Variants in USP36 observed in about 807,000 individuals in gnomAD.
USP36 encodes the protein ubiquitin specific peptidase 36.
In USP36, 59 loss-of-function variants were observed where a neutral mutation model predicts 111.5. That is an observed-to-expected ratio of 0.53 (90% CI 0.43 to 0.66). The LOEUF is 0.66. Ranked by LOEUF, USP36 falls within the 30% of genes least tolerant of loss-of-function variation. The pLI is 0.00. For missense variants in USP36, 1,488 were observed against 1,468.0 expected (o/e 1.01, Z -0.22); for synonymous variants, 628 against 581.0 (o/e 1.08, Z -1.16).
At chr17:78,805,409 G>A (rs2093870807) in intron 15 of USP36, among the ~76,000 whole-genome samples, 1 of 152,190 alleles carries the variant, frequency 6.6e-6, no homozygotes, top group Non-Finnish European at 1.5e-5. Context: ...GGCAGAGGCT[G>A]TGGGCGACGC....
chr17:78,807,151 C>G lies in USP36; in HGVS notation c.1893G>C (p.Arg631Ser), dbSNP rs758623047. ...AATCGCAGAGATGGGCCGCTCCACT[C>G]CTGGGGGTCTGGGGGGCCTTGGTGG... ...SDSTKAPQTP[R>S]SGAAHLCDSQ... is the part of the protein sequence containing the mutation. Residue 631 changes from arginine (R) to serine (S), a missense_variant, in exon 14 of 21, where the codon AGG becomes AGC. Arg to Ser is a moderately radical substitution (Grantham distance 110). Transcript: ENST00000449938. 5.0e-6 allele frequency: 8 copies of G among 1,614,134 alleles called. No individual in the cohort carries two copies. The highest frequency in any genetic ancestry group is 5.9e-6 in the Non-Finnish European group (7 of 1,180,052).
At chr17:78,811,177 C>T (rs1254476536) in intron 13 of USP36, among the ~76,000 whole-genome samples, 2 of 146,730 alleles carry the variant, frequency 1.4e-5, no homozygotes, top group African/African-American at 5.0e-5. Context: ...CAAGAGGGTC[C>T]ACCCCACTTC....
Position 78,835,968 on chromosome 17 carries a change from T to C in USP36, c.253+143A>G. ...AACCCTGTATCATTACTTCTATAAC[T>C]GAAATCCACTGACCCCATGTAAAAA... On this transcript the variant is annotated intron_variant, in intron 3 of 20. Coordinates refer to ENST00000449938, the MANE Select transcript of USP36 (RefSeq NM_001385174.1). 3.4e-6 allele frequency: 4 copies of C among 1,183,474 alleles called. No individual in the cohort carries two copies. The South Asian group carries it at 6.3e-5, about 19-fold the overall frequency. The allele number at this position is 1,183,474 out of a possible 1,614,324, so 73.3% of individuals were successfully genotyped here.
chr17:78,807,410 A>G lies in USP36; in HGVS notation c.1634T>C (p.Phe545Ser). Residue 545 changes from phenylalanine to serine, a missense_variant, in exon 14 of 21, where the codon TTT becomes TCT. Around this residue, in one of 3 missense-constraint regions of USP36, gnomAD observed 1,073 missense variants for 994.1 expected, o/e 1.08. Coordinates refer to ENST00000449938, the MANE Select transcript of USP36 (RefSeq NM_001385174.1). ...CAGCCCCTGAGCAGTTCTGGGGGAAAAGTGCTGTGGAGGAGCTGGCTTCTT... is the reference window on the plus strand; with the variant it reads ...CAGCCCCTGAGCAGTTCTGGGGGAAGAGTGCTGTGGAGGAGCTGGCTTCTT... ...KVKKPAPPQH[F>S]SPRTAQGLPG... 1 of 1,614,078 alleles carries G rather than the reference A, an allele frequency of 6.2e-7. No individual in the cohort carries two copies. Among genetic ancestry groups the G allele is most frequent in the Non-Finnish European group, 8.5e-7 (1 of 1,179,998 alleles).
intron 13 of USP36, 66 bp downstream of exon 13, chr17:78,812,794 A>C: frequency 6.3e-7 from 1 of 1,582,548 alleles, no homozygotes; most frequent in Non-Finnish European, 8.6e-7. Flanking sequence ...CAACTTCCCA[A>C]GTGTGAGGAG....
chr17:78,818,886 A>ATC (rs2094251541), intron 9 of USP36, 108 bp from the exon 10 acceptor site: 1 of 1,108,980 alleles, frequency 9.0e-7, no homozygotes, highest in African/African-American at 1.5e-5. Context: ...TAATAGTGGA[A>ATC]TCTTCATCAA....
chr17:78,798,854 C>T lies in USP36; in HGVS notation c.3240+54G>A. On this transcript the variant is annotated intron_variant, in intron 19 of 20. Transcript: ENST00000449938. The surrounding 1 kb of genome is among the most constrained non-coding windows in gnomAD (Gnocchi z 5.1). ...CACCTCCAACTGCCCCGGCTCTGAG[C>T]TGAGCCACGCCGCCCTGCTCCCTCA... 1 of 1,600,918 alleles carries T rather than the reference C, an allele frequency of 6.2e-7. No individual in the cohort carries two copies. Among genetic ancestry groups the T allele is most frequent in the South Asian group, 1.1e-5 (1 of 90,624 alleles).
downstream of USP36, among the ~76,000 whole-genome samples, chr17:78,791,522 AAAGCAACTTG>A (rs1465411344): frequency 2.8e-4 from 43 of 152,234 alleles, no homozygotes; most frequent in Non-Finnish European, 5.1e-4. Flanking sequence ...TCCCCTTGAG[AAAGCAACTTG>A]AAGCAACAGT....
At chr17:78,787,663 G>A (rs1483929327) in intron 3 of USP36, 3 of 152,226 alleles carry the variant, frequency 2.0e-5, no homozygotes, top group African/African-American at 7.2e-5. Context: ...GATCATCTGT[G>A]AGGTAGAGAT....
chr17:78,820,908 T>A (rs1388679699), intron 8 of USP36, 83 bp downstream of exon 8: 2 of 1,415,204 alleles, frequency 1.4e-6, no homozygotes. Flanking sequence ...TTTGATCTGA[T>A]GCCTTTACTG....
intron 6 of USP36, among the ~76,000 whole-genome samples, chr17:78,823,794 A>T (rs1173600644): frequency 1.3e-5 from 2 of 152,190 alleles, no homozygotes; most frequent in African/African-American, 4.8e-5. Context: ...ACTATCCTAG[A>T]CTATCGACCC....
At chr17:78,819,700 T>C (rs890129897) in intron 9 of USP36, among the ~76,000 whole-genome samples, 3 of 152,250 alleles carry the variant, frequency 2.0e-5, no homozygotes, top group Non-Finnish European at 2.9e-5. Context: ...CTGCACAATA[T>C]ATGCGGCATC....
chr17:78,835,176 C>G, intron 4 of USP36, 104 bp downstream of exon 4: 1 of 1,174,402 alleles, frequency 8.5e-7, no homozygotes, highest in Non-Finnish European at 1.2e-6. Context: ...TATGAACTAC[C>G]CTCCTAAATT....
Position 78,812,912 on chromosome 17 carries a change from T to C in USP36, c.1355A>G (p.His452Arg). Residue 452 changes from histidine (H) to arginine (R), a missense_variant, in exon 13 of 21, where the codon CAC becomes CGC. His to Arg is a conservative substitution (Grantham distance 29). Coordinates refer to ENST00000449938, the MANE Select transcript of USP36 (RefSeq NM_001385174.1). The stretch of plus-strand genomic sequence containing the variant: ...CCCATTGCCGATGTTCTTCTTGGAG[T>C]GATCTGGAATCACACTCGGGCGGCC... ...LPGRPSVIPD[H>R]SKKNIGNGII... The C allele has an allele frequency of 6.2e-7, 1 of 1,613,642 alleles. No homozygotes were observed. Among genetic ancestry groups the C allele is most frequent in the Non-Finnish European group, 8.5e-7 (1 of 1,179,926 alleles).
chr17:78,823,840 C>T (rs1199749627), intron 6 of USP36, among the ~76,000 whole-genome samples: 1 of 152,216 alleles, frequency 6.6e-6, no homozygotes, highest in Non-Finnish European at 1.5e-5. Flanking sequence ...CATGAAAGTG[C>T]ACTGCACGGG....
intron 10 of USP36, among the ~76,000 whole-genome samples, chr17:78,816,794 C>G (rs1363497976): frequency 1.3e-5 from 2 of 152,124 alleles, no homozygotes. Flanking sequence ...TTTTTTTAAA[C>G]TGAGTTGTGG....
At chr17:78,819,111 TA>T (rs199991870) in intron 9 of USP36, 1,996 of 193,604 alleles carry the variant, frequency 0.01, 37 homozygotes, top group Admixed American at 0.043. Context: ...GGCTGAGTGA[TA>T]AAACGGGCAG....
chr17:78,840,826 G>C (rs1457584649), upstream of USP36: 2 of 152,550 alleles, frequency 1.3e-5, no homozygotes, highest in African/African-American at 4.8e-5. Context: ...CGGGCCTCCG[G>C]CGCCTCACAC....
Position 78,835,394 on chromosome 17 carries a change from C to A in USP36, c.361G>T (p.Gly121Cys). 6.2e-7 allele frequency: 1 copy of A among 1,614,238 alleles called. No individual in the cohort carries two copies. The highest frequency in any genetic ancestry group is 8.5e-7 in the Non-Finnish European group (1 of 1,180,052). ...TTGCCAAGGTTGTGGAGTCCTGCGC[C>A]CACGCGGAAGACCCGCTCCCACCTC... Reference protein sequence around the residue: ...SLRWERVFRVGAGLHNLGNTC... With the variant: ...SLRWERVFRVCAGLHNLGNTC... Residue 121 changes from glycine to cysteine, a missense_variant, in exon 4 of 21, where the codon GGC becomes TGC. By Grantham distance (159) the Gly-to-Cys change is radical. Coordinates refer to ENST00000449938, the MANE Select transcript of USP36 (RefSeq NM_001385174.1).
Sources: gnomAD v4.1 joint callset for allele counts (sites outside exome capture counted in the v4.1 genomes callset) on GRCh38, gnomAD v4.1.1 for gene constraint, gnomAD v4.1.1 regional missense constraint, Gnocchi (gnomAD v3.1) non-coding constraint, MANE v1.5 for transcripts, NCBI Gene and HGNC (gene_info 2026-07-23, HGNC 2026-07-21) for gene names.